ATP9B: variants seen among roughly 807,000 people sequenced by gnomAD.
ATP9B encodes the protein ATPase phospholipid transporting 9B, also known as probable phospholipid-transporting ATPase IIB.
In ATP9B, 110 loss-of-function variants were observed where a neutral mutation model predicts 146.1. The ratio of observed to expected loss-of-function variants is 0.75; its 90% CI spans 0.65 to 0.88. The LOEUF (loss-of-function observed/expected upper bound fraction) is 0.88, where lower values mean the gene tolerates loss of function less well. Ranked by LOEUF, ATP9B falls within the 40% of genes least tolerant of loss-of-function variation. The probability of loss-of-function intolerance (pLI) is 0.00; values close to 1 mark genes in which losing one functional copy is unlikely to be tolerated. For missense variants in ATP9B, 1,499 were observed against 1,496.4 expected (o/e 1.00, Z -0.03); for synonymous variants, 604 against 569.7 (o/e 1.06, Z -0.86).
intron 2 of ATP9B, among the ~76,000 whole-genome samples, chr18:79,100,409 G>T (rs1333692279): frequency 6.6e-6 from 1 of 152,062 alleles, no homozygotes; most frequent in Admixed American, 6.5e-5. Context: ...ATTTTGGAGT[G>T]TGTTATTAGA....
At chr18:79,234,469 C>T (rs1307127402) in intron 11 of ATP9B, among the ~76,000 whole-genome samples, 1 of 152,208 alleles carries the variant, frequency 6.6e-6, no homozygotes, top group Non-Finnish European at 1.5e-5. Flanking sequence ...GAAGGTAGAT[C>T]GCTGCCTTTG....
At chr18:79,070,960 T>A (rs1224335133) in intron 1 of ATP9B, among the ~76,000 whole-genome samples, 1 of 152,142 alleles carries the variant, frequency 6.6e-6, no homozygotes, top group African/African-American at 2.4e-5. Flanking sequence ...ACCATTTACA[T>A]TTACGATAAT....
At chr18:79,234,818 A>G (rs1221938638) in intron 11 of ATP9B, among the ~76,000 whole-genome samples, 2 of 152,184 alleles carry the variant, frequency 1.3e-5, no homozygotes, top group African/African-American at 2.4e-5. Flanking sequence ...CTCTATGTAT[A>G]AGATTTCCTT....
chr18:79,257,129 G>A (rs1426369790), intron 12 of ATP9B, among the ~76,000 whole-genome samples: 6 of 151,952 alleles, frequency 3.9e-5, no homozygotes, highest in Non-Finnish European at 5.9e-5. Context: ...ATGGAACCCC[G>A]TCTCTACAAA....
At chr18:79,340,769 GCTA>G (rs1337330745) in intron 19 of ATP9B, among the ~76,000 whole-genome samples, 1 of 152,132 alleles carries the variant, frequency 6.6e-6, no homozygotes, top group Non-Finnish European at 1.5e-5. Context: ...ATGTAAAAGT[GCTA>G]CTATTTGACA....
At chr18:79,311,462 A>G (rs1489651705) in intron 15 of ATP9B, among the ~76,000 whole-genome samples, 4 of 152,204 alleles carry the variant, frequency 2.6e-5, no homozygotes, top group African/African-American at 9.7e-5. Flanking sequence ...AGAAAGCCTA[A>G]ATGTGCCAGC....
chr18:79,179,092 GTT>G (rs1332788122), intron 8 of ATP9B, among the ~76,000 whole-genome samples: 4 of 152,224 alleles, frequency 2.6e-5, no homozygotes, highest in African/African-American at 9.6e-5. Context: ...CAGAGAATTG[GTT>G]CATTTCACGT....
chr18:79,157,425 C>T (rs1335690380), intron 7 of ATP9B, among the ~76,000 whole-genome samples: 3 of 68,116 alleles, frequency 4.4e-5, no homozygotes, highest in African/African-American at 1.9e-4. Flanking sequence ...AAAAAAAAAA[C>T]ATGTATTGAC....
chr18:79,184,547 C>G (rs2095286439), intron 8 of ATP9B, among the ~76,000 whole-genome samples: 1 of 151,868 alleles, frequency 6.6e-6, no homozygotes, highest in African/African-American at 2.4e-5. Flanking sequence ...TATCTTATTA[C>G]TTGACATCTA....
intron 17 of ATP9B, among the ~76,000 whole-genome samples, chr18:79,330,336 T>C (rs1401991633): frequency 2.0e-5 from 3 of 152,164 alleles, no homozygotes; most frequent in African/African-American, 7.2e-5. Context: ...TATCATTTTA[T>C]ACTAAATTAT....
intron 25 of ATP9B, 25 bp from the exon 26 acceptor site, chr18:79,359,329 T>C (rs781043403): frequency 6.4e-7 from 1 of 1,559,424 alleles, no homozygotes; most frequent in Middle Eastern, 1.7e-4. Flanking sequence ...CTCACGCCCA[T>C]TGCACTCCGC....
chr18:79,318,032 G>A (rs1387239185), intron 15 of ATP9B, among the ~76,000 whole-genome samples: 1 of 152,254 alleles, frequency 6.6e-6, no homozygotes, highest in Admixed American at 6.5e-5. Flanking sequence ...AGTTGTACTG[G>A]ATTATAGCCC....
chr18:79,078,545 T>TTTTCTTC (rs2072883302), intron 1 of ATP9B, among the ~76,000 whole-genome samples: 1 of 150,924 alleles, frequency 6.6e-6, no homozygotes, highest in African/African-American at 2.4e-5. Context: ...ATTTTTTCTT[T>TTTTCTTC]TTTCTTCTTT....
At position 79,377,636 on chromosome 18, in the gene ATP9B, C is replaced by T. The variant is rs773678061; in HGVS notation, c.*253C>T. ...TCTCCCTCTCAGTGCGAGGCTTCAC[C>T]CCTGCCAGGCAAGCCCAGGGCATAG... On this transcript the variant is annotated 3_prime_UTR_variant, in exon 30 of 30. Coordinates refer to ENST00000426216, the MANE Select transcript of ATP9B (RefSeq NM_198531.5). 3.7e-5 allele frequency: 19 copies of T among 516,534 alleles called. No homozygotes were observed. The highest frequency in any genetic ancestry group is 1.0e-3 in the Middle Eastern group (2 of 1,938). The allele number at this position is 516,534 out of a possible 1,614,324, so 32.0% of individuals were successfully genotyped here. A position where few individuals can be genotyped will look rare whatever the true frequency, so the allele number is the denominator to read the frequency against.
chr18:79,206,042 G>C (rs528123727), intron 9 of ATP9B, among the ~76,000 whole-genome samples: 2 of 151,480 alleles, frequency 1.3e-5, no homozygotes, highest in African/African-American at 4.9e-5. Context: ...CCGGGTTCAC[G>C]CCATTCTCCT....
chr18:79,180,357 TGTACGTTA>T (rs527461339), intron 8 of ATP9B, among the ~76,000 whole-genome samples: 1 of 152,212 alleles, frequency 6.6e-6, no homozygotes, highest in Non-Finnish European at 1.5e-5. Flanking sequence ...TAATTAGCTA[TGTACGTTA>T]GTTCTGTTTT....
intron 4 of ATP9B, among the ~76,000 whole-genome samples, chr18:79,121,879 A>G (rs992601549): frequency 6.6e-6 from 1 of 152,214 alleles, no homozygotes; most frequent in Non-Finnish European, 1.5e-5. Context: ...GTCTTCTCTA[A>G]TACTACTTCA....
chr18:79,362,499 T>C (rs539534341), intron 26 of ATP9B: 2 of 152,394 alleles, frequency 1.3e-5, no homozygotes, highest in African/African-American at 4.8e-5. Flanking sequence ...CTTTTGAAGC[T>C]CAAATTCTGC....
intron 11 of ATP9B, among the ~76,000 whole-genome samples, chr18:79,217,073 G>T (rs537291465): frequency 1.3e-5 from 2 of 152,250 alleles, no homozygotes; most frequent in African/African-American, 4.8e-5. Context: ...CTGTAGAGCC[G>T]GGGAGATCAC....
Sources: gnomAD v4.1 joint callset for allele counts (sites outside exome capture counted in the v4.1 genomes callset) on GRCh38, gnomAD v4.1.1 for gene constraint, MANE v1.5 for transcripts, NCBI Gene and HGNC (gene_info 2026-07-23, HGNC 2026-07-21) for gene names.